SVIL: variants seen among roughly 807,000 people sequenced by gnomAD.
SVIL encodes the protein supervillin.
In SVIL, 101 loss-of-function variants were observed where a neutral mutation model predicts 240.4. That is an observed-to-expected ratio of 0.42 (90% CI 0.36 to 0.50). SVIL has a LOEUF of 0.50. Among genes scored for constraint, SVIL ranks in the 20% least tolerant of loss-of-function variants. SVIL has a pLI of 0.01. For synonymous variants in SVIL, 999 were observed against 1,100.0 expected (o/e 0.91, Z 1.82); for missense variants, 2,512 against 2,818.7 (o/e 0.89, Z 2.46).
chr10:29,573,185 T>G (rs1955528381), intron 1 of SVIL, among the ~76,000 whole-genome samples: 1 of 152,192 alleles, frequency 6.6e-6, no homozygotes, highest in African/African-American at 2.4e-5. Context: ...CCCAATCATT[T>G]GTTTTTCAGC....
chr10:29,458,359 G>A (rs377020161), intron 37 of SVIL, 26 bp from the exon 38 acceptor site: 61 of 1,612,818 alleles, frequency 3.8e-5, no homozygotes, highest in African/African-American at 2.4e-4. Flanking sequence ...GAAGCGCCCC[G>A]CGGCTCAGTG....
At chr10:29,700,715 C>G (rs895561253) in intron 1 of SVIL, among the ~76,000 whole-genome samples, 2 of 151,954 alleles carry the variant, frequency 1.3e-5, no homozygotes, top group African/African-American at 2.4e-5. Flanking sequence ...CCTCATGATC[C>G]GCCTGCCTCG....
intron 1 of SVIL, among the ~76,000 whole-genome samples, chr10:29,702,239 C>G (rs948772208): frequency 4.1e-5 from 6 of 147,036 alleles, no homozygotes; most frequent in Non-Finnish European, 7.5e-5. Context: ...CTGTCCCATA[C>G]TATAACTTCA....
intron 1 of SVIL, among the ~76,000 whole-genome samples, chr10:29,734,053 C>T (rs1290641842): frequency 1.3e-5 from 2 of 152,320 alleles, no homozygotes; most frequent in Non-Finnish European, 2.9e-5. Context: ...AAGGTGGGAA[C>T]TGCAGCTCCT....
At chr10:29,582,635 G>C (rs7900573) in intron 1 of SVIL, among the ~76,000 whole-genome samples, 41,380 of 151,698 alleles carry the variant, frequency 0.27, 5,876 homozygotes, top group Admixed American at 0.33. Flanking sequence ...AGAAGGCTGA[G>C]AAGTGAGGAT....
intron 14 of SVIL, 119 bp from the exon 15 acceptor site, chr10:29,524,146 T>C: frequency 8.9e-7 from 1 of 1,119,714 alleles, no homozygotes; most frequent in Non-Finnish European, 1.2e-6. Context: ...CTGTTTCTCT[T>C]AGTGGAAAAC....
At chr10:29,568,925 C>A (rs1955227963) in intron 2 of SVIL, among the ~76,000 whole-genome samples, 1 of 151,894 alleles carries the variant, frequency 6.6e-6, no homozygotes, top group Non-Finnish European at 1.5e-5. Flanking sequence ...CAAGTTTAAA[C>A]CATTTCTAAA....
At chr10:29,691,798 T>G (rs1961529765) in intron 1 of SVIL, among the ~76,000 whole-genome samples, 1 of 152,196 alleles carries the variant, frequency 6.6e-6, no homozygotes, top group African/African-American at 2.4e-5. Flanking sequence ...ACGGAATCCC[T>G]GTAACACTCT....
chr10:29,662,158 G>A (rs192091034), intron 2 of SVIL, among the ~76,000 whole-genome samples: 77 of 152,204 alleles, frequency 5.1e-4, no homozygotes, highest in African/African-American at 1.6e-3. Flanking sequence ...GATGCCTTTA[G>A]CAAGGAAACC....
At chr10:29,708,257 C>CAAAAAAAAAAAAAAAAAAAAAAAAA (rs35982600) in intron 1 of SVIL, among the ~76,000 whole-genome samples, 1 of 62,710 alleles carries the variant, frequency 1.6e-5, no homozygotes, top group Non-Finnish European at 3.0e-5. Context: ...GACTCCATCT[C>CAAAAAAAAAAAAAAAAAAAAAAAAA]AAAAAAAAAA....
At chr10:29,715,950 A>G (rs1343168) in intron 1 of SVIL, among the ~76,000 whole-genome samples, 34,356 of 152,202 alleles carry the variant, frequency 0.23, 5,458 homozygotes, top group African/African-American at 0.45. Context: ...TTAATTTCAC[A>G]TGATTTTATT....
intron 3 of SVIL, among the ~76,000 whole-genome samples, chr10:29,642,257 G>A (rs1206701456): frequency 6.6e-6 from 1 of 151,970 alleles, no homozygotes; most frequent in Admixed American, 6.6e-5. Context: ...AAATTAGTCA[G>A]GTATGGTGGC....
At chr10:29,726,268 C>T (rs932683884) in intron 1 of SVIL, among the ~76,000 whole-genome samples, 1 of 152,138 alleles carries the variant, frequency 6.6e-6, no homozygotes, top group Admixed American at 6.5e-5. Context: ...CTTCCTATTC[C>T]TTCTTTATGT....
intron 3 of SVIL, among the ~76,000 whole-genome samples, chr10:29,653,042 G>A (rs1958888964): frequency 1.3e-5 from 2 of 148,218 alleles, no homozygotes; most frequent in African/African-American, 5.0e-5. Flanking sequence ...TGTTGACCAA[G>A]CTGGTCTCAA....
chr10:29,608,760 C>A (rs1247427), intron 1 of SVIL, among the ~76,000 whole-genome samples: 1 of 152,004 alleles, frequency 6.6e-6, no homozygotes, highest in Non-Finnish European at 1.5e-5. Context: ...AGATAGCCTG[C>A]GTGCCATGGA....
At chr10:29,529,265 C>A (rs577392267) in intron 12 of SVIL, among the ~76,000 whole-genome samples, 2 of 149,042 alleles carry the variant, frequency 1.3e-5, no homozygotes, top group East Asian at 4.0e-4. Flanking sequence ...TTTAGAGGGG[C>A]GTACTGGGAT....
At chr10:29,711,916 G>GGAATGATA (rs1554769028) in intron 1 of SVIL, 5 of 145,324 alleles carry the variant, frequency 3.4e-5, no homozygotes, top group Non-Finnish European at 4.7e-5. Context: ...TACAGTACAT[G>GGAATGATA]TACTAAAATT....
At chr10:29,623,099 A>T (rs1255637868) in intron 1 of SVIL, among the ~76,000 whole-genome samples, 4 of 152,166 alleles carry the variant, frequency 2.6e-5, no homozygotes, top group Non-Finnish European at 5.9e-5. Flanking sequence ...CCCCTAATAC[A>T]ATAAGCTTCC....
At position 29,714,682 on chromosome 10, in the gene SVIL, G is replaced by A. The variant is rs116499266; in HGVS notation, c.-400+21069C>T. ...AGAGACAAAAGAAAAAGGCTTGGCC[G>A]GGCGTGGTGACTCATGCCTGTAATC... On this transcript the variant is annotated intron_variant, in intron 1 of 35. Coordinates refer to the SVIL transcript ENST00000375400. Among the ~76,000 whole-genome samples, 974 of 152,152 alleles carry A rather than the reference G, an allele frequency of 6.4e-3. 12 individuals carry two copies. The highest frequency in any genetic ancestry group is 0.022 in the African/African-American group (900 of 41,506).
Sources: allele counts gnomAD v4.1 joint callset (sites outside exome capture counted in the v4.1 genomes callset), GRCh38; gene constraint gnomAD v4.1.1; transcripts MANE v1.5; gene names NCBI Gene and HGNC (gene_info 2026-07-23, HGNC 2026-07-21).